The following CACNA1B variants were observed in gnomAD, a reference collection of about 807,000 sequenced individuals.
The protein encoded by CACNA1B is voltage-dependent N-type calcium channel subunit alpha-1B.
Under a neutral mutation model 247.2 loss-of-function variants are expected in CACNA1B, and 70 were observed. That is an observed-to-expected ratio of 0.28 (90% confidence interval 0.23 to 0.35). CACNA1B has a LOEUF of 0.35. CACNA1B is among the 10% of genes least tolerant of loss of function. CACNA1B has a pLI of 1.00. For missense variants in CACNA1B, 2,367 were observed against 3,197.4 expected, an observed-to-expected ratio of 0.74 and a Z score of 6.26; for synonymous variants, 1,231 against 1,294.4, an observed-to-expected ratio of 0.95 and a Z score of 1.05.
intron 36 of CACNA1B, among the ~76,000 whole-genome samples, chr9:138,090,963 A>C (rs1237998063): frequency 1.3e-5 from 2 of 152,086 alleles, no homozygotes; most frequent in East Asian, 1.9e-4. Flanking sequence ...ACTCTTATAC[A>C]CTCTTGGTAG....
chr9:137,878,862 G>T (rs1564867932), intron 1 of CACNA1B, among the ~76,000 whole-genome samples, 192 bp from the exon 2 acceptor site: 1 of 152,132 alleles, frequency 6.6e-6, no homozygotes, highest in South Asian at 2.1e-4. Flanking sequence ...GCCCCGCCTC[G>T]CGGCCGCCCC....
rs202186712 is a variant in CACNA1B, at chr9:137,914,621, G to A, written c.623-33G>A. 11 of 1,604,892 alleles carry A rather than the reference G, an allele frequency of 6.9e-6. No individual in the cohort carries two copies. In the East Asian group the frequency reaches 8.9e-5, roughly 13 times the overall value. On this transcript the variant is annotated intron_variant, in intron 4 of 46. Transcript: ENST00000371372. This position sits in a 1 kb window ranked among gnomAD's most constrained non-coding sequence, Gnocchi z 4.3. ...AAATTCCTTGCCCTACCCTGCCCACGTTGCTTCCTGACCTGCCCTGTTCTG... is the reference window on the plus strand; with the variant it reads ...AAATTCCTTGCCCTACCCTGCCCACATTGCTTCCTGACCTGCCCTGTTCTG...
intron 15 of CACNA1B, among the ~76,000 whole-genome samples, chr9:137,994,733 C>G (rs1279986257): frequency 1.3e-5 from 2 of 152,212 alleles, no homozygotes; most frequent in African/African-American, 2.4e-5. Flanking sequence ...AATGGAAACA[C>G]ATCCCATGTT....
chr9:138,107,197 G>A (rs1961456620), intron 39 of CACNA1B, among the ~76,000 whole-genome samples: 1 of 151,534 alleles, frequency 6.6e-6, no homozygotes, highest in Non-Finnish European at 1.5e-5. Context: ...TGCTTAAGCC[G>A]AAACCTTAGA....
At position 138,120,731 on chromosome 9, in the gene CACNA1B, G is replaced by T. The variant is rs1490106740; in HGVS notation, c.6339G>T (p.Glu2113Asp). 5 of 1,540,314 alleles carry T rather than the reference G, an allele frequency of 3.2e-6. No individual in the cohort carries two copies. The South Asian group carries it at 6.0e-5, about 19-fold the overall frequency. The change falls in exon 46 of 47, where the codon GAG becomes GAT. Residue 2113 changes from glutamate (E) to aspartate (D), a missense_variant. Coordinates refer to ENST00000371372, the MANE Select transcript of CACNA1B (RefSeq NM_000718.4). ...ERRQERGRSQ[E>D]RRQPSSSSSE... ...GGCAGGAGCGGGGCCGGTCCCAGGA[G>T]CGGAGGCAGCCCTCATCCTCCTCCT...
rs1292156293 is a variant in CACNA1B at position 137,974,942 on chromosome 9, C to T, written c.1544-965C>T. Among the ~76,000 whole-genome samples the T allele has an allele frequency of 6.6e-6, 1 of 152,226 alleles. No homozygotes were observed. Among genetic ancestry groups the T allele is most frequent in the African/African-American group, 2.4e-5 (1 of 41,474 alleles). On this transcript the variant is annotated intron_variant, in intron 11 of 46. Transcript: ENST00000371372. This position sits in a 1 kb window ranked among gnomAD's most constrained non-coding sequence, Gnocchi z 4.5. ...AGAAGTTTAAGAGCCAATCCCTGCC[C>T]AACCCTTTGGGAGGAGAGTCAGAGA...
At chr9:138,108,840 A>G (rs903162781) in intron 39 of CACNA1B, among the ~76,000 whole-genome samples, 1 of 152,124 alleles carries the variant, frequency 6.6e-6, no homozygotes, top group Non-Finnish European at 1.5e-5. Context: ...TAGTAGAGAC[A>G]GGGTTTCACC....
rs1259247968 is a variant in CACNA1B, at chr9:137,919,873, A to T, written c.966+2442A>T. Among the ~76,000 whole-genome samples the T allele has an allele frequency of 1.3e-5, 2 of 152,152 alleles. No individual in the cohort carries two copies. Among genetic ancestry groups the T allele is most frequent in the Non-Finnish European group, 2.9e-5 (2 of 68,030 alleles). The stretch of plus-strand genomic sequence containing the variant: ...GTGGGGGCACTCCAGCTTGAGGAGA[A>T]ATGGCTTTGTCTGTGCCTGGAAAAG... On this transcript the variant is annotated intron_variant, in intron 6 of 46. Coordinates refer to ENST00000371372, the MANE Select transcript of CACNA1B (RefSeq NM_000718.4). This position sits in a 1 kb window ranked among gnomAD's most constrained non-coding sequence, Gnocchi z 4.6.
At chr9:137,895,814 T>G (rs1957165584) in intron 3 of CACNA1B, among the ~76,000 whole-genome samples, 1 of 152,228 alleles carries the variant, frequency 6.6e-6, no homozygotes, top group African/African-American at 2.4e-5. Flanking sequence ...AAAACCTGAA[T>G]GCCTTTTCTT....
intron 6 of CACNA1B, among the ~76,000 whole-genome samples, chr9:137,939,359 G>A (rs951401153): frequency 1.1e-4 from 17 of 151,876 alleles, no homozygotes; most frequent in East Asian, 1.9e-4. Context: ...AAATTATATC[G>A]GGCACCTTCT....
At chr9:137,904,566 A>T (rs1351144960) in intron 3 of CACNA1B, among the ~76,000 whole-genome samples, 1 of 151,360 alleles carries the variant, frequency 6.6e-6, no homozygotes, top group Admixed American at 6.6e-5. Flanking sequence ...GATGGGTCTC[A>T]TATGTTGTCC....
At chr9:137,938,121 C>G (rs1413503581) in intron 6 of CACNA1B, among the ~76,000 whole-genome samples, 1 of 152,030 alleles carries the variant, frequency 6.6e-6, no homozygotes, top group Non-Finnish European at 1.5e-5. Context: ...CCTCCTTAAA[C>G]AAAACAGTTA....
rs774466218 is a variant in CACNA1B, at chr9:138,013,130, A to G, written c.2162A>G (p.Asp721Gly). ...GGACATTTCTCTTTGCTCAAACAGG[A>G]TGAAGAGGAGATGGAAGAAGCAGCC... is the stretch of plus-strand genomic sequence containing the variant. ...NLANAQELTK[D>G]EEEMEEAANQ... Residue 721 changes from aspartate (D) to glycine (G), a missense_variant and splice_region_variant, in exon 18 of 47, where the codon GAT (aspartate) becomes GGT (glycine). Asp to Gly is a moderately conservative substitution (Grantham distance 94, BLOSUM62 -1). Transcript: ENST00000371372. The G allele has an allele frequency of 6.8e-6, 11 of 1,611,984 alleles. No individual in the cohort carries two copies. Among genetic ancestry groups the G allele is most frequent in the African/African-American group, 1.3e-5 (1 of 74,902 alleles).
intron 6 of CACNA1B, among the ~76,000 whole-genome samples, chr9:137,942,008 G>A (rs753670320): frequency 1.4e-4 from 21 of 152,178 alleles, no homozygotes; most frequent in Non-Finnish European, 2.6e-4. Flanking sequence ...AAGAACTTTT[G>A]CACAGCAAAA....
In CACNA1B at chr9:138,059,095, A is replaced by T; in HGVS notation, c.4490A>T (p.Tyr1497Phe). The T allele has an allele frequency of 6.2e-7, 1 of 1,610,612 alleles. No individual in the cohort carries two copies. The highest frequency in any genetic ancestry group is 1.3e-5 in the African/African-American group (1 of 74,974). ...VLMMKFYDAP[Y>F]EYELMLKCLN... Reference sequence around the variant, plus strand: ...CCCGGGCAGTTCTATGATGCACCCTATGAGTACGAGCTGATGCTGAAATGC... The same window carrying T: ...CCCGGGCAGTTCTATGATGCACCCTTTGAGTACGAGCTGATGCTGAAATGC... Residue 1497 changes from tyrosine (Y) to phenylalanine (F), a missense_variant, in exon 30 of 47, where the codon TAT becomes TTT. Around this residue, in one of 12 missense-constraint regions of CACNA1B, gnomAD observed 436 missense variants for 679.5 expected, o/e 0.64. Transcript: ENST00000371372. The surrounding 1 kb of genome is among the most constrained non-coding windows in gnomAD (Gnocchi z 4.2).
chr9:137,907,374 GGT>G (rs1957310846), intron 3 of CACNA1B, among the ~76,000 whole-genome samples: 1 of 152,106 alleles, frequency 6.6e-6, no homozygotes. Context: ...ATGTGCCTGG[GGT>G]GTGGTTAGAA....
At position 137,938,039 on chromosome 9, in the gene CACNA1B, A is replaced by C. The variant is rs191094371; in HGVS notation, c.967-14235A>C. Reference sequence around the variant, plus strand: ...AGCACCAGGTAACCTATAAAGGAAAATCTATGAAATTAACAGCAGATTTCC... The same window carrying C: ...AGCACCAGGTAACCTATAAAGGAAACTCTATGAAATTAACAGCAGATTTCC... On this transcript the variant is annotated intron_variant, in intron 6 of 46. Coordinates refer to ENST00000371372, the MANE Select transcript of CACNA1B (RefSeq NM_000718.4). Among the ~76,000 whole-genome samples the C allele has an allele frequency of 2.0e-5, 3 of 151,892 alleles. No individual in the cohort carries two copies. In the East Asian group the frequency reaches 5.8e-4, roughly 29 times the overall value.
Position 137,891,351 on chromosome 9 carries a change from G to A in CACNA1B, c.530+8468G>A, listed in dbSNP as rs1415449120. On this transcript the variant is annotated intron_variant, in intron 3 of 46. Transcript: ENST00000371372. The surrounding 1 kb of genome is among the most constrained non-coding windows in gnomAD (Gnocchi z 4.3). ...GGCTGTAGAAGAGCCGCCCCTCCTG[G>A]GGGCTGGCCTGTTCGAAGCCGTCCG... The A allele has an allele frequency of 1.3e-5, 2 of 152,432 alleles. No individual in the cohort carries two copies. Among genetic ancestry groups the A allele is most frequent in the African/African-American group, 2.4e-5 (1 of 41,452 alleles). 9.4% of individuals were successfully genotyped at this position (152,432 alleles called of 1,614,324 possible).
chr9:137,972,497 C>T (rs927340870), intron 11 of CACNA1B, among the ~76,000 whole-genome samples: 3 of 152,088 alleles, frequency 2.0e-5, no homozygotes, highest in African/African-American at 7.2e-5. Flanking sequence ...GAAGAGCTAT[C>T]CCAGCTCCCA....
Sources: allele counts gnomAD v4.1 joint callset (sites outside exome capture counted in the v4.1 genomes callset), GRCh38; gene constraint gnomAD v4.1.1; regional missense constraint gnomAD v4.1.1; non-coding constraint Gnocchi (gnomAD v3.1); transcripts MANE v1.5; gene names NCBI Gene and HGNC (gene_info 2026-07-23, HGNC 2026-07-21).